PPP2R5E: variants seen among roughly 807,000 people sequenced by gnomAD.
The protein encoded by PPP2R5E is serine/threonine-protein phosphatase 2A 56 kDa regulatory subunit epsilon isoform.
A neutral mutation model predicts 65.3 loss-of-function variants in PPP2R5E; 4 were observed. The observed-to-expected ratio is 0.06, with a 90% CI of 0.03 to 0.14. PPP2R5E has a LOEUF of 0.14. Ranked by LOEUF, PPP2R5E falls within the 10% of genes least tolerant of loss-of-function variation. The pLI is 1.00. For synonymous variants in PPP2R5E, 183 were observed against 187.4 expected (o/e 0.98, Z 0.19); for missense variants, 274 against 556.1 (o/e 0.49, Z 5.10).
At chr14:63,466,647 CAA>C (rs1889816170) in intron 2 of PPP2R5E, among the ~76,000 whole-genome samples, 1 of 152,098 alleles carries the variant, frequency 6.6e-6, no homozygotes, top group African/African-American at 2.4e-5. Flanking sequence ...AATACCATGC[CAA>C]GAGACAAGAA....
intron 2 of PPP2R5E, among the ~76,000 whole-genome samples, chr14:63,535,405 G>A (rs1293055364): frequency 6.6e-6 from 1 of 151,486 alleles, no homozygotes; most frequent in African/African-American, 2.4e-5. Context: ...TGGGCAACAA[G>A]AGCAAAACTC....
chr14:63,400,403 A>C (rs139862282), intron 5 of PPP2R5E, among the ~76,000 whole-genome samples: 1 of 152,338 alleles, frequency 6.6e-6, no homozygotes, highest in East Asian at 1.9e-4. Flanking sequence ...TGACCGATGA[A>C]GAAATGAGGA....
intron 2 of PPP2R5E, among the ~76,000 whole-genome samples, chr14:63,519,700 T>C (rs1892812500): frequency 6.7e-6 from 1 of 148,994 alleles, no homozygotes; most frequent in South Asian, 2.1e-4. Context: ...GTTGCTCTGT[T>C]ACCGAGGCTG....
At position 63,469,414 on chromosome 14, in the gene PPP2R5E, C is replaced by T. The variant is rs80195469; in HGVS notation, c.158-15529G>A. ...TGGCAAAAAATACAATTAAAGTGGC[C>T]GGGCGCGGTGGCTCACGCCTGTAAT... On this transcript the variant is annotated intron_variant, in intron 2 of 13. Coordinates refer to ENST00000337537, the MANE Select transcript of PPP2R5E (RefSeq NM_006246.5). Among the ~76,000 whole-genome samples the T allele has an allele frequency of 8.0e-3, 1,223 of 152,246 alleles. 43 individuals carry two copies. In the East Asian group the frequency reaches 0.11, roughly 14 times the overall value.
chr14:63,456,150 T>G (rs2139487974), intron 2 of PPP2R5E, among the ~76,000 whole-genome samples: 1 of 152,350 alleles, frequency 6.6e-6, no homozygotes, highest in African/African-American at 2.4e-5. Context: ...ATATAGTGAT[T>G]TTAATAAAGT....
At position 63,444,728 on chromosome 14, in the gene PPP2R5E, T is replaced by C. The variant is rs546864991; in HGVS notation, c.354+8961A>G. ...AATTCCAAGAAATCTTTCAAATGGA[T>C]ACATAACAACAAAACCAAAAAGGCA... On this transcript the variant is annotated intron_variant, in intron 3 of 13. Transcript: ENST00000337537. Among the ~76,000 whole-genome samples the C allele has an allele frequency of 6.3e-4, 96 of 152,278 alleles. 3 individuals carry two copies. The highest frequency in any genetic ancestry group is 2.6e-3 in the Admixed American group (40 of 15,292).
chr14:63,410,702 A>T (rs1423540199), intron 5 of PPP2R5E, among the ~76,000 whole-genome samples: 1 of 152,208 alleles, frequency 6.6e-6, no homozygotes, highest in Non-Finnish European at 1.5e-5. Flanking sequence ...GATTACCAAC[A>T]TGAATGAGCA....
At chr14:63,428,845 GA>G (rs1035491232) in intron 3 of PPP2R5E, among the ~76,000 whole-genome samples, 4 of 151,802 alleles carry the variant, frequency 2.6e-5, no homozygotes, top group Non-Finnish European at 5.9e-5. Flanking sequence ...AATTACTGCA[GA>G]AAAAAAATCA....
chr14:63,521,871 C>T lies in PPP2R5E; in HGVS notation c.157+17658G>A, dbSNP rs115811654. On this transcript the variant is annotated intron_variant, in intron 2 of 13. Coordinates refer to ENST00000337537, the MANE Select transcript of PPP2R5E (RefSeq NM_006246.5). Reference sequence around the variant, plus strand: ...ACTCCTTCTGATGCATGGCTATCTTCCTGAAAAATTAATTTGATGAGGTTG... The same window carrying T: ...ACTCCTTCTGATGCATGGCTATCTTTCTGAAAAATTAATTTGATGAGGTTG... 5.5e-3 allele frequency among the ~76,000 whole-genome samples: 831 copies of T among 152,124 alleles called. 9 individuals carry two copies. Among genetic ancestry groups the T allele is most frequent in the African/African-American group, 0.019 (801 of 41,502 alleles).
chr14:63,434,238 G>A (rs1319231904), intron 3 of PPP2R5E, among the ~76,000 whole-genome samples: 1 of 151,888 alleles, frequency 6.6e-6, no homozygotes, highest in Non-Finnish European at 1.5e-5. Context: ...CAGTATAACA[G>A]CAAAAAAACA....
In PPP2R5E at chr14:63,406,976, C is replaced by T. The variant is rs572402201; in HGVS notation, c.549+8164G>A. Among the ~76,000 whole-genome samples, 112 of 152,276 alleles carry T rather than the reference C, an allele frequency of 7.4e-4. 1 individual carries two copies. Among genetic ancestry groups the T allele is most frequent in the African/African-American group, 2.5e-3 (105 of 41,554 alleles). On this transcript the variant is annotated intron_variant, in intron 5 of 13. Coordinates refer to ENST00000337537, the MANE Select transcript of PPP2R5E (RefSeq NM_006246.5). ...ACTGAAGCTATTAAAGAAAACAGAG[C>T]TTAAGAAAGTTCTCAAAACAAGAAT...
chr14:63,535,421 C>CA (rs939903326), intron 2 of PPP2R5E, among the ~76,000 whole-genome samples: 14 of 145,538 alleles, frequency 9.6e-5, no homozygotes, highest in South Asian at 4.3e-4. Context: ...AACTCCATCT[C>CA]AAAAAAAAAA....
At chr14:63,483,411 A>G (rs368558194) in intron 2 of PPP2R5E, among the ~76,000 whole-genome samples, 2 of 144,668 alleles carry the variant, frequency 1.4e-5, no homozygotes, top group East Asian at 2.0e-4. Flanking sequence ...ATCTGAGCCA[A>G]CTCTTGAGAG....
intron 2 of PPP2R5E, among the ~76,000 whole-genome samples, chr14:63,483,812 T>C (rs908297608): frequency 2.0e-5 from 3 of 151,988 alleles, no homozygotes; most frequent in African/African-American, 4.8e-5. Flanking sequence ...AGGCCAGGCA[T>C]GGTGGTTCAC....
chr14:63,402,494 A>G (rs1029054569), intron 5 of PPP2R5E, among the ~76,000 whole-genome samples: 11 of 152,256 alleles, frequency 7.2e-5, no homozygotes, highest in Non-Finnish European at 1.2e-4. Context: ...AAACAGGCAC[A>G]ATGCTAGGAG....
intron 3 of PPP2R5E, chr14:63,451,973 T>C (rs1888859263): frequency 6.6e-6 from 1 of 152,112 alleles, no homozygotes. Flanking sequence ...ATTCATAGAG[T>C]ACTGCTTAAA....
chr14:63,384,909 T>A (rs1566664096), intron 11 of PPP2R5E, among the ~76,000 whole-genome samples: 1 of 152,110 alleles, frequency 6.6e-6, no homozygotes, highest in African/African-American at 2.4e-5. Context: ...TTGGCCAGGA[T>A]GGTCTCGATC....
Position 63,539,687 on chromosome 14 carries a change from T to G in PPP2R5E, c.-2A>C, listed in dbSNP as rs780522746. On this transcript the variant is annotated 5_prime_UTR_variant, in exon 2 of 14. Transcript: ENST00000337537. ...AGGAGTAGTTGGTGCTGAGGACATA[T>G]CCCTACTGAAGAGAAAGAAGTATCA... 1 of 1,613,056 alleles carries G rather than the reference T, an allele frequency of 6.2e-7. No individual in the cohort carries two copies. Among genetic ancestry groups the G allele is most frequent in the South Asian group, 1.1e-5 (1 of 90,970 alleles).
chr14:63,490,513 A>T lies in PPP2R5E; in HGVS notation c.158-36628T>A, dbSNP rs545754842. On this transcript the variant is annotated intron_variant, in intron 2 of 13. Coordinates refer to ENST00000337537, the MANE Select transcript of PPP2R5E (RefSeq NM_006246.5). ...ATCTGATGAAGGACTAATATCCAGA[A>T]TCTAGAAGAAACTCAAACAAATCAA... Among the ~76,000 whole-genome samples the T allele has an allele frequency of 2.0e-4, 30 of 152,240 alleles. No homozygotes were observed. In the South Asian group the frequency reaches 2.3e-3, roughly 12 times the overall value.
Sources: allele counts gnomAD v4.1 joint callset (sites outside exome capture counted in the v4.1 genomes callset), GRCh38; gene constraint gnomAD v4.1.1; transcripts MANE v1.5; gene names NCBI Gene and HGNC (gene_info 2026-07-23, HGNC 2026-07-21).